THSD7A: variants seen among roughly 807,000 people sequenced by gnomAD.
THSD7A encodes thrombospondin type-1 domain-containing protein 7A.
Under a neutral mutation model 231.3 loss-of-function variants are expected in THSD7A, and 96 were observed. The ratio of observed to expected loss-of-function variants is 0.41; its 90% CI spans 0.35 to 0.49. The LOEUF (loss-of-function observed/expected upper bound fraction) is 0.49. Ranked by LOEUF, THSD7A falls within the 20% of genes least tolerant of loss-of-function variation. THSD7A has a pLI of 0.05. For synonymous variants in THSD7A, 940 were observed against 743.3 expected (o/e 1.26, Z -4.30); for missense variants, 2,290 against 2,070.2 (o/e 1.11, Z -2.06).
chr7:11,705,438 A>C (rs1315652365), intron 1 of THSD7A, among the ~76,000 whole-genome samples: 1 of 150,982 alleles, frequency 6.6e-6, no homozygotes, highest in Non-Finnish European at 1.5e-5. Context: ...TTGACTCAGT[A>C]ATAGCCACTT....
chr7:11,464,299 C>T (rs1369999409), intron 9 of THSD7A, among the ~76,000 whole-genome samples: 1 of 151,744 alleles, frequency 6.6e-6, no homozygotes, highest in African/African-American at 2.4e-5. Flanking sequence ...CCCAGTTGGT[C>T]AAAATTCTTA....
intron 1 of THSD7A, among the ~76,000 whole-genome samples, chr7:11,703,489 A>G (rs974074382): frequency 2.0e-5 from 3 of 151,202 alleles, no homozygotes; most frequent in Non-Finnish European, 4.4e-5. Flanking sequence ...TCTCTCATTA[A>G]TCACAATTCA....
intron 8 of THSD7A, 95 bp from the exon 9 acceptor site, chr7:11,470,089 A>G: frequency 1.2e-6 from 1 of 829,014 alleles, no homozygotes; most frequent in Non-Finnish European, 2.0e-6. Context: ...AAATTGCAAA[A>G]CAAGTCACTC....
At position 11,539,126 on chromosome 7, in the gene THSD7A, C is replaced by G. The variant is rs1401945137; in HGVS notation, c.1822+2293G>C. On this transcript the variant is annotated intron_variant, in intron 6 of 27. Transcript: ENST00000423059. ...CTAATCAACTTTAATTCCCTGGGCCCAATTTAATTACAAAACAACATTTGG... is the reference window on the plus strand; with the variant it reads ...CTAATCAACTTTAATTCCCTGGGCCGAATTTAATTACAAAACAACATTTGG... Among the ~76,000 whole-genome samples, 3 of 152,214 alleles carry G rather than the reference C, an allele frequency of 2.0e-5. No homozygotes were observed. The East Asian group carries it at 5.8e-4, about 29-fold the overall frequency.
intron 24 of THSD7A, among the ~76,000 whole-genome samples, chr7:11,381,567 T>A (rs1194060754): frequency 6.6e-6 from 1 of 152,156 alleles, no homozygotes; most frequent in Admixed American, 6.6e-5. Context: ...GCACACTGTT[T>A]TTTCCCCCGC....
rs544196279 is a variant in THSD7A at position 11,666,927 on chromosome 7, C to CA, written c.191-29967dup. Among the ~76,000 whole-genome samples, 34 of 151,576 alleles carry CA rather than the reference C, an allele frequency of 2.2e-4. No homozygotes were observed. In the South Asian group the frequency reaches 6.9e-3, roughly 31 times the overall value. On this transcript the variant is annotated intron_variant, in intron 1 of 27. Transcript: ENST00000423059. ...TTAATGCAAGCATATTAAAATAAGTCAAAAAAACTAAAATGTATACAGTTA... is the reference window on the plus strand; with the variant it reads ...TTAATGCAAGCATATTAAAATAAGTCAAAAAAAACTAAAATGTATACAGTTA...
intron 4 of THSD7A, among the ~76,000 whole-genome samples, chr7:11,553,350 C>A (rs1583961637): frequency 6.6e-6 from 1 of 152,050 alleles, no homozygotes; most frequent in East Asian, 1.9e-4. Flanking sequence ...AATTGTAAAT[C>A]ACAGATCTTA....
rs1781926143 is a variant in THSD7A at position 11,637,771 on chromosome 7, T to C, written c.191-810A>G. On this transcript the variant is annotated intron_variant, in intron 1 of 27. Coordinates refer to ENST00000423059, the MANE Select transcript of THSD7A (RefSeq NM_015204.3). This position sits in a 1 kb window ranked among gnomAD's most constrained non-coding sequence, Gnocchi z 4.2. ...GTGATACTTAAATCAGTGGCTTTAA[T>C]ATGAAATATGGGTTTTTTTCTGTGA... 6.6e-6 allele frequency among the ~76,000 whole-genome samples: 1 copy of C among 152,180 alleles called. No individual in the cohort carries two copies. The highest frequency in any genetic ancestry group is 2.1e-4 in the South Asian group (1 of 4,832).
rs1230897232 is a variant in THSD7A, at chr7:11,371,702, T to TTC, written c.*4091_*4092insGA. The stretch of plus-strand genomic sequence containing the variant: ...ATGGAGGCAGGAGGATATGGGATGG[T>TTC]CTAAAGCAAGTGTAGGCATGGACAT... On this transcript the variant is annotated 3_prime_UTR_variant, in exon 28 of 28. Transcript: ENST00000423059. The TTC allele has an allele frequency of 6.6e-6, 1 of 151,410 alleles. No individual in the cohort carries two copies. Among genetic ancestry groups the TTC allele is most frequent in the African/African-American group, 2.4e-5 (1 of 41,170 alleles). 9.4% of individuals were successfully genotyped at this position (151,410 alleles called of 1,614,324 possible).
intron 1 of THSD7A, among the ~76,000 whole-genome samples, chr7:11,674,986 G>A (rs931290539): frequency 4.6e-5 from 7 of 152,138 alleles, no homozygotes; most frequent in East Asian, 1.9e-4. Context: ...CAAGATGGCC[G>A]AATAGGAACA....
intron 1 of THSD7A, among the ~76,000 whole-genome samples, chr7:11,744,427 AT>A (rs1241000987): frequency 6.6e-6 from 1 of 150,682 alleles, no homozygotes; most frequent in Non-Finnish European, 1.5e-5. Context: ...TTTTTTTATT[AT>A]TTTTTATTTT....
intron 4 of THSD7A, among the ~76,000 whole-genome samples, chr7:11,553,926 A>G (rs879330316): frequency 1.3e-5 from 2 of 151,952 alleles, no homozygotes; most frequent in Non-Finnish European, 2.9e-5. Context: ...CATACTATAT[A>G]ACCTCTAAAG....
intron 2 of THSD7A, among the ~76,000 whole-genome samples, chr7:11,615,342 A>G (rs1781070490): frequency 6.6e-6 from 1 of 152,192 alleles, no homozygotes; most frequent in African/African-American, 2.4e-5. Context: ...GAGCAGAGGC[A>G]TATGACCTCT....
At chr7:11,581,891 C>A (rs546843083) in intron 4 of THSD7A, among the ~76,000 whole-genome samples, 1 of 152,144 alleles carries the variant, frequency 6.6e-6, no homozygotes, top group Admixed American at 6.5e-5. Context: ...AATATTAATA[C>A]ACAGTGTGAT....
chr7:11,520,047 A>T (rs965569552), intron 6 of THSD7A: 1 of 152,054 alleles, frequency 6.6e-6, no homozygotes, highest in African/African-American at 2.4e-5. Context: ...CTCTCAACTT[A>T]TTAGAACCCT....
chr7:11,621,081 T>C (rs376804599), intron 2 of THSD7A, among the ~76,000 whole-genome samples: 2 of 152,352 alleles, frequency 1.3e-5, no homozygotes, highest in Admixed American at 6.5e-5. Context: ...GGCAATGTTT[T>C]CTTTTCAAAT....
In THSD7A at chr7:11,509,821, C is replaced by CAAAAAA. The variant is rs751048602; in HGVS notation, c.1823-27845_1823-27840dup. Among the ~76,000 whole-genome samples the CAAAAAA allele has an allele frequency of 1.8e-3, 71 of 39,966 alleles. 6 individuals are homozygous for CAAAAAA. Among genetic ancestry groups the CAAAAAA allele is most frequent in the African/African-American group, 3.9e-3 (54 of 13,946 alleles). The allele number at this position is 39,966 out of a possible 152,430, so 26.2% of individuals were successfully genotyped here. On this transcript the variant is annotated intron_variant, in intron 6 of 27. Transcript: ENST00000423059. ...TGGGCGACAGAGCCAGAGTCCGTCTCAAAAAAAAAAAAAAATAACATCTGA... is the reference window on the plus strand; with the variant it reads ...TGGGCGACAGAGCCAGAGTCCGTCTCAAAAAAAAAAAAAAAAAAAAATAACATCTGA...
intron 4 of THSD7A, among the ~76,000 whole-genome samples, chr7:11,551,225 T>C (rs1174614078): frequency 6.6e-6 from 1 of 152,014 alleles, no homozygotes; most frequent in African/African-American, 2.4e-5. Flanking sequence ...ATGTAAAATC[T>C]AATACTATAA....
Position 11,636,747 on chromosome 7 carries a change from C to A in THSD7A, c.405G>T (p.Val135=), listed in dbSNP as rs1181632773. The part of the protein sequence containing the change: ...RLGPWNQCQP[V]ISKSLEKPLE... ...GAGGTTTCTCTAGGCTTTTTGAAAT[C>A]ACGGGCTGACACTGATTCCAAGGTC... The change falls in exon 2 of 28, where the codon GTG becomes GTT. Residue 135 remains valine, a synonymous_variant. Coordinates refer to ENST00000423059, the MANE Select transcript of THSD7A (RefSeq NM_015204.3). This position sits in a 1 kb window ranked among gnomAD's most constrained non-coding sequence, Gnocchi z 10.0. 3.7e-6 allele frequency: 6 copies of A among 1,613,980 alleles called. No individual in the cohort carries two copies. Among genetic ancestry groups the A allele is most frequent in the Non-Finnish European group, 4.2e-6 (5 of 1,179,886 alleles).
Sources: gnomAD v4.1 joint callset for allele counts (sites outside exome capture counted in the v4.1 genomes callset) on GRCh38, gnomAD v4.1.1 for gene constraint, Gnocchi (gnomAD v3.1) non-coding constraint, MANE v1.5 for transcripts, NCBI Gene and HGNC (gene_info 2026-07-23, HGNC 2026-07-21) for gene names.